CHD1L: variants seen among roughly 807,000 people sequenced by gnomAD.
The protein encoded by CHD1L is chromodomain helicase DNA binding protein 1 like.
A neutral mutation model predicts 115.9 loss-of-function variants in CHD1L; 118 were observed. That is an observed-to-expected ratio of 1.02 (90% CI 0.88 to 1.19). The LOEUF (loss-of-function observed/expected upper bound fraction) is 1.19. CHD1L is among the 50% of genes most tolerant of loss of function. The pLI is 0.00. For missense variants in CHD1L, 1,179 were observed against 1,065.3 expected (o/e 1.11, Z -1.49); for synonymous variants, 411 against 387.1 (o/e 1.06, Z -0.72).
chr1:147,213,704 A>G, the CHD1L span, among the ~76,000 whole-genome samples: 1 of 152,190 alleles, frequency 6.6e-6, no homozygotes, highest in East Asian at 1.9e-4. Flanking sequence ...CTCCTCTTCT[A>G]GAAAAGTGCA....
At position 147,295,577 on chromosome 1, in the gene CHD1L, A is replaced by G; in HGVS notation, c.*68A>G. The G allele has an allele frequency of 8.7e-7, 1 of 1,144,710 alleles. No homozygotes were observed. Among genetic ancestry groups the G allele is most frequent in the Non-Finnish European group, 1.3e-6 (1 of 794,024 alleles). 70.9% of individuals were successfully genotyped at this position (1,144,710 alleles called of 1,614,324 possible). ...TATTTACCCAGAGGTACTGCAATAG[A>G]GTATTTCAAAATGGAATCAGGATCT... is the stretch of plus-strand genomic sequence containing the variant. On this transcript the variant is annotated 3_prime_UTR_variant, in exon 23 of 23. Coordinates refer to ENST00000369258, the MANE Select transcript of CHD1L (RefSeq NM_004284.6).
At chr1:147,175,345 TC>T in the CHD1L span, 1 of 152,314 alleles carries the variant, frequency 6.6e-6, no homozygotes, top group African/African-American at 2.4e-5. Flanking sequence ...AAACATAATG[TC>T]CTTCACCTGG....
intron 1 of CHD1L, 42 bp downstream of exon 1, chr1:147,242,872 T>A (rs1212674977): frequency 1.6e-6 from 2 of 1,256,806 alleles, no homozygotes; most frequent in Admixed American, 4.0e-5. Context: ...CGGGCCAACC[T>A]ATTGGGACTG....
chr1:147,210,545 CCACAGT>C, the CHD1L span: 1 of 152,116 alleles, frequency 6.6e-6, no homozygotes, highest in Non-Finnish European at 1.5e-5. Flanking sequence ...TTATGTACTT[CCACAGT>C]CACAGTTGAA....
the CHD1L span, chr1:147,187,270 T>C: frequency 6.5e-7 from 1 of 1,527,214 alleles, no homozygotes; most frequent in Non-Finnish European, 8.9e-7. Flanking sequence ...ACAGAAACCA[T>C]GGCCTGTCAA....
chr1:147,212,539 C>T, the CHD1L span: 1 of 1,609,226 alleles, frequency 6.2e-7, no homozygotes, highest in Non-Finnish European at 8.5e-7. Context: ...TCAATTCCTG[C>T]AAGAGAAGGG....
the CHD1L span, among the ~76,000 whole-genome samples, chr1:147,182,107 C>T: frequency 6.6e-6 from 1 of 152,330 alleles, no homozygotes. Flanking sequence ...TCTACCTCAA[C>T]ATTCATTCTC....
chr1:147,187,366 G>T, the CHD1L span: 2 of 684,676 alleles, frequency 2.9e-6, no homozygotes, highest in Non-Finnish European at 2.4e-6. Context: ...GGAATATAGA[G>T]AAGAAAGATA....
the CHD1L span, chr1:147,203,837 T>G: frequency 1.9e-6 from 3 of 1,570,258 alleles, no homozygotes; most frequent in Admixed American, 5.0e-5. Flanking sequence ...ATCTTCCTTT[T>G]CATGCTTAAA....
intron 14 of CHD1L, among the ~76,000 whole-genome samples, chr1:147,279,503 T>C (rs1186002913): frequency 6.6e-6 from 1 of 152,204 alleles, no homozygotes. Flanking sequence ...TCAGAAGTTG[T>C]TACTGATCTT....
At chr1:147,181,891 G>A in the CHD1L span, among the ~76,000 whole-genome samples, 1 of 152,196 alleles carries the variant, frequency 6.6e-6, no homozygotes, top group Non-Finnish European at 1.5e-5. Context: ...TGGAGTTGGA[G>A]TACCAGAGTG....
chr1:147,257,505 T>C (rs1670523821), intron 5 of CHD1L, among the ~76,000 whole-genome samples: 1 of 152,130 alleles, frequency 6.6e-6, no homozygotes, highest in Non-Finnish European at 1.5e-5. Flanking sequence ...TGGAAAGACA[T>C]TGTTCTGAGA....
chr1:147,270,128 T>G (rs782657595), intron 10 of CHD1L, among the ~76,000 whole-genome samples: 2 of 152,216 alleles, frequency 1.3e-5, no homozygotes, highest in Non-Finnish European at 2.9e-5. Flanking sequence ...GGCTTGAATC[T>G]TGAAAGAGTT....
chr1:147,280,697 C>T (rs959492793), intron 15 of CHD1L, among the ~76,000 whole-genome samples: 1 of 152,124 alleles, frequency 6.6e-6, no homozygotes, highest in Non-Finnish European at 1.5e-5. Context: ...TTGTCTTTCT[C>T]TTAATTTTCT....
the CHD1L span, chr1:147,201,515 T>C: frequency 1.9e-6 from 3 of 1,590,774 alleles, no homozygotes; most frequent in African/African-American, 4.0e-5. Context: ...CTGTGAGTCG[T>C]GACAAAGATC....
chr1:147,194,169 T>G, the CHD1L span, among the ~76,000 whole-genome samples: 1 of 152,178 alleles, frequency 6.6e-6, no homozygotes, highest in African/African-American at 2.4e-5. Flanking sequence ...ACTAAGGACT[T>G]GCTTTATGAA....
At chr1:147,261,808 T>A (rs972287817) in intron 6 of CHD1L, among the ~76,000 whole-genome samples, 53 of 152,198 alleles carry the variant, frequency 3.5e-4, no homozygotes, top group African/African-American at 1.2e-3. Context: ...GATAACTAGT[T>A]GGAAAGAAAA....
intron 15 of CHD1L, among the ~76,000 whole-genome samples, chr1:147,282,311 C>G (rs1681216666): frequency 6.6e-6 from 1 of 152,168 alleles, no homozygotes; most frequent in Non-Finnish European, 1.5e-5. Context: ...ATGGAGTTCA[C>G]CTGGTTGCTG....
At chr1:147,255,081 A>C in intron 3 of CHD1L, 105 bp downstream of exon 3, 1 of 777,504 alleles carries the variant, frequency 1.3e-6, no homozygotes, top group Non-Finnish European at 2.0e-6. Context: ...GTAATTAGTA[A>C]GTTTATTCCA....
Sources: allele counts gnomAD v4.1 joint callset (sites outside exome capture counted in the v4.1 genomes callset), GRCh38; gene constraint gnomAD v4.1.1; transcripts MANE v1.5; gene names NCBI Gene and HGNC (gene_info 2026-07-23, HGNC 2026-07-21).